The following CERS3 variants were observed in gnomAD, a reference collection of about 807,000 sequenced individuals.
CERS3 encodes ceramide synthase 3, also known as LAG1 homolog, ceramide synthase 3.
A neutral mutation model predicts 50.3 loss-of-function variants in CERS3; 33 were observed. The ratio of observed to expected loss-of-function variants is 0.66; its 90% confidence interval spans 0.50 to 0.88. The LOEUF is 0.88. Among genes scored for constraint, CERS3 ranks in the 40% least tolerant of loss-of-function variants. CERS3 has a pLI of 0.00. For missense variants in CERS3, 470 were observed against 460.3 expected, an observed-to-expected ratio of 1.02 and a Z score of -0.19; for synonymous variants, 176 against 155.2, an observed-to-expected ratio of 1.13 and a Z score of -0.99.
Position 100,523,649 on chromosome 15 carries a change from G to A in CERS3, c.-91-1893C>T, listed in dbSNP as rs188861909. Among the ~76,000 whole-genome samples, 39 of 149,874 alleles carry A rather than the reference G, an allele frequency of 2.6e-4. No homozygotes were observed. In the East Asian group the frequency reaches 5.3e-3, roughly 20 times the overall value. ...CTAGGAGGCGGAGCTTGCAGTGAGC[G>A]GAGATTGCACCACTGCACTCCAGCA... On this transcript the variant is annotated intron_variant, in intron 1 of 11. Coordinates refer to ENST00000679737, the MANE Select transcript of CERS3 (RefSeq NM_001378789.1).
chr15:100,478,011 T>C (rs1345135972), intron 7 of CERS3, among the ~76,000 whole-genome samples: 1 of 152,180 alleles, frequency 6.6e-6, no homozygotes, highest in Admixed American at 6.5e-5. Context: ...CTTTTTTGTA[T>C]ACAGTGTCTG....
intron 11 of CERS3, among the ~76,000 whole-genome samples, chr15:100,449,644 C>CA (rs151040966): frequency 7.9e-5 from 12 of 151,962 alleles, no homozygotes; most frequent in South Asian, 4.2e-4. Flanking sequence ...TGTTTATAGC[C>CA]AAAAAAAATC....
At chr15:100,449,128 A>C (rs766328325) in intron 11 of CERS3, among the ~76,000 whole-genome samples, 9 of 152,090 alleles carry the variant, frequency 5.9e-5, no homozygotes, top group Non-Finnish European at 1.2e-4. Context: ...CAAGTATACC[A>C]TTGGAAGGCC....
chr15:100,473,631 A>G (rs1368821068), intron 8 of CERS3, among the ~76,000 whole-genome samples: 1 of 152,182 alleles, frequency 6.6e-6, no homozygotes, highest in Non-Finnish European at 1.5e-5. Context: ...GGCTATAATA[A>G]AAAAGATGAA....
chr15:100,426,393 TAAAATACAG>T (rs1211631765), intron 11 of CERS3, among the ~76,000 whole-genome samples: 1 of 152,192 alleles, frequency 6.6e-6, no homozygotes, highest in Non-Finnish European at 1.5e-5. Context: ...CATAAAGTTT[TAAAATACAG>T]AAAATAATAC....
intron 7 of CERS3, among the ~76,000 whole-genome samples, chr15:100,478,204 C>A (rs1050507433): frequency 3.3e-5 from 5 of 151,978 alleles, no homozygotes; most frequent in African/African-American, 1.2e-4. Flanking sequence ...ATTTGAGAAT[C>A]AAAAAATATA....
At position 100,484,583 on chromosome 15, in the gene CERS3, C is replaced by A. The variant is rs748704734; in HGVS notation, c.374G>T (p.Arg125Met). ...CTGGAATTTCTTCAGCCTGGAAGGC[C>A]TCTCTTGATTCCGCCGACTCCTAAA... ...RWFRSRRNQE[R>M]PSRLKKFQEA... is the part of the protein sequence containing the mutation. The change falls in exon 5 of 12, where the codon AGG (arginine) becomes ATG (methionine). Residue 125 changes from arginine to methionine, a missense_variant. Arg to Met is a moderately conservative substitution (Grantham distance 91, BLOSUM62 -1). Coordinates refer to ENST00000679737, the MANE Select transcript of CERS3 (RefSeq NM_001378789.1). The A allele has an allele frequency of 2.5e-6, 4 of 1,613,964 alleles. No homozygotes were observed. Among genetic ancestry groups the A allele is most frequent in the African/African-American group, 1.3e-5 (1 of 74,934 alleles).
intron 11 of CERS3, among the ~76,000 whole-genome samples, chr15:100,448,281 C>A (rs936351470): frequency 2.6e-5 from 4 of 152,056 alleles, no homozygotes; most frequent in Admixed American, 2.0e-4. Context: ...TTGAACAGAT[C>A]CTCTAAGAGA....
chr15:100,501,926 A>G, intron 2 of CERS3, 76 bp from the exon 3 acceptor site: 1 of 1,458,830 alleles, frequency 6.9e-7, no homozygotes, highest in South Asian at 1.2e-5. Flanking sequence ...ACCTTGGCTC[A>G]AAATGCCAGA....
At chr15:100,464,968 T>A (rs2411373) in intron 10 of CERS3, among the ~76,000 whole-genome samples, 1 of 151,766 alleles carries the variant, frequency 6.6e-6, no homozygotes, top group Admixed American at 6.6e-5. Flanking sequence ...GGGAGACTCG[T>A]TAGGAGAGTA....
intron 1 of CERS3, among the ~76,000 whole-genome samples, chr15:100,528,412 C>T (rs1358990650): frequency 6.6e-6 from 1 of 152,202 alleles, no homozygotes; most frequent in African/African-American, 2.4e-5. Context: ...GGATTCAGGG[C>T]TTTCCTGATA....
intron 11 of CERS3, among the ~76,000 whole-genome samples, chr15:100,430,177 T>C (rs1285510341): frequency 2.0e-5 from 3 of 151,068 alleles, no homozygotes; most frequent in African/African-American, 4.9e-5. Flanking sequence ...CCAGTTGTGG[T>C]GGGGGGCGCC....
chr15:100,421,341 A>C (rs1002871428), intron 11 of CERS3, among the ~76,000 whole-genome samples: 4 of 150,658 alleles, frequency 2.7e-5, no homozygotes, highest in Admixed American at 2.0e-4. Flanking sequence ...CAATTGCTTC[A>C]AAGAGAATCA....
chr15:100,416,355 C>T (rs187900995), intron 11 of CERS3, among the ~76,000 whole-genome samples: 3,517 of 152,298 alleles, frequency 0.023, 58 homozygotes, highest in South Asian at 0.047. Flanking sequence ...TGACCTTCAA[C>T]AAAGTTGACA....
intron 10 of CERS3, among the ~76,000 whole-genome samples, chr15:100,468,810 C>T (rs955508752): frequency 2.6e-5 from 4 of 152,084 alleles, no homozygotes; most frequent in African/African-American, 9.7e-5. Context: ...ACAGACTGAT[C>T]GAGAGCCAAT....
intron 3 of CERS3, among the ~76,000 whole-genome samples, chr15:100,491,648 CT>C (rs2035655739): frequency 6.6e-6 from 1 of 152,082 alleles, no homozygotes; most frequent in Non-Finnish European, 1.5e-5. Context: ...TAAGGTGGAA[CT>C]TTACATTATT....
intron 10 of CERS3, among the ~76,000 whole-genome samples, 198 bp downstream of exon 10, chr15:100,469,180 T>A (rs2034881702): frequency 6.6e-6 from 1 of 152,238 alleles, no homozygotes; most frequent in Admixed American, 6.5e-5. Context: ...TCTCCCGTTG[T>A]AATAAGCCTT....
intron 10 of CERS3, among the ~76,000 whole-genome samples, chr15:100,466,770 TTCC>T (rs2034735169): frequency 4.1e-5 from 1 of 24,378 alleles, no homozygotes; most frequent in Non-Finnish European, 1.3e-4. Context: ...CCTTCCTTCC[TTCC>T]TTCCTTCCTT....
chr15:100,486,421 T>G (rs756131155), intron 4 of CERS3, among the ~76,000 whole-genome samples: 1 of 152,200 alleles, frequency 6.6e-6, no homozygotes, highest in Non-Finnish European at 1.5e-5. Flanking sequence ...ATTAAGAGAA[T>G]GTTTGCTACC....
Sources: gnomAD v4.1 joint callset for allele counts (sites outside exome capture counted in the v4.1 genomes callset) on GRCh38, gnomAD v4.1.1 for gene constraint, MANE v1.5 for transcripts, NCBI Gene and HGNC (gene_info 2026-07-23, HGNC 2026-07-21) for gene names.